Variants in NCAPG2 observed in about 807,000 individuals in gnomAD.
NCAPG2 encodes condensin-2 complex subunit G2.
NCAPG2 carries 53 observed loss-of-function variants against 141.1 expected under a neutral mutation model. The ratio of observed to expected loss-of-function variants is 0.38; its 90% CI spans 0.30 to 0.47. The LOEUF (loss-of-function observed/expected upper bound fraction) is 0.47. NCAPG2 is among the 20% of genes least tolerant of loss of function. NCAPG2 has a pLI of 0.99. For synonymous variants in NCAPG2, 499 were observed against 490.7 expected, an observed-to-expected ratio of 1.02 and a Z score of -0.22; for missense variants, 1,087 against 1,389.0, an observed-to-expected ratio of 0.78 and a Z score of 3.46.
At chr7:158,658,533 T>G (rs560450282) in intron 16 of NCAPG2, 125 bp from the exon 17 acceptor site, 2 of 802,024 alleles carry the variant, frequency 2.5e-6, no homozygotes, top group Non-Finnish European at 3.6e-6. Context: ...GGCAGTCCTT[T>G]CCACGTTCAA....
At chr7:158,637,502 C>T (rs528180564) in intron 27 of NCAPG2, among the ~76,000 whole-genome samples, 7 of 152,408 alleles carry the variant, frequency 4.6e-5, no homozygotes, top group South Asian at 2.1e-4. Context: ...GACAACTACC[C>T]CACAAGCCCC....
chr7:158,690,454 A>G (rs1835045672), intron 5 of NCAPG2, 114 bp downstream of exon 5: 3 of 988,932 alleles, frequency 3.0e-6, no homozygotes, highest in South Asian at 1.6e-5. Context: ...CTGAGGCAGG[A>G]GGATTGCTCG....
In NCAPG2 at chr7:158,671,551, T is replaced by C. The variant is rs756443243; in HGVS notation, c.1442A>G (p.Asp481Gly). 2.2e-5 allele frequency: 35 copies of C among 1,614,072 alleles called. No homozygotes were observed. Among genetic ancestry groups the C allele is most frequent in the Non-Finnish European group, 2.8e-5 (33 of 1,180,036 alleles). The change falls in exon 13 of 28, where the codon GAC (aspartate) becomes GGC (glycine). Residue 481 changes from aspartate (D) to glycine (G), a missense_variant. Asp to Gly is a moderately conservative substitution (Grantham distance 94, BLOSUM62 -1). Transcript: ENST00000356309. The part of the protein sequence containing the change: ...NSEKVRVAFV[D>G]MLLKIKAVRA... ...CACAGCTTTGATCTTCAACAGCATG[T>C]CCACAAAAGCTACCCTCACTTTCTC...
At chr7:158,652,509 T>G in intron 22 of NCAPG2, 29 bp from the exon 23 acceptor site, 1 of 1,495,700 alleles carries the variant, frequency 6.7e-7, no homozygotes, top group Non-Finnish European at 9.2e-7. Flanking sequence ...TATATCAGTT[T>G]TCTAATCACA....
intron 15 of NCAPG2, among the ~76,000 whole-genome samples, chr7:158,662,941 T>C (rs564708487): frequency 1.2e-4 from 19 of 152,346 alleles, no homozygotes; most frequent in East Asian, 7.7e-4. Flanking sequence ...TTAAAATAAA[T>C]AGACCTACTT....
At chr7:158,658,616 A>G (rs910567856) in intron 16 of NCAPG2, among the ~76,000 whole-genome samples, 2 of 152,250 alleles carry the variant, frequency 1.3e-5, no homozygotes, top group Non-Finnish European at 2.9e-5. Flanking sequence ...GAAGTTTTAT[A>G]TAACATTTTA....
In NCAPG2 at chr7:158,671,533, T is replaced by G. The variant is rs1401631233; in HGVS notation, c.1460A>C (p.Lys487Thr). The G allele has an allele frequency of 6.2e-7, 1 of 1,614,222 alleles. No homozygotes were observed. Among genetic ancestry groups the G allele is most frequent in the Non-Finnish European group, 8.5e-7 (1 of 1,180,034 alleles). Residue 487 changes from lysine to threonine, a missense_variant, in exon 13 of 28, where the codon AAA (lysine) becomes ACA (threonine). By Grantham distance (78) the Lys-to-Thr change is moderately conservative. Coordinates refer to ENST00000356309, the MANE Select transcript of NCAPG2 (RefSeq NM_017760.7). Reference protein sequence around the residue: ...VAFVDMLLKIKAVRAAKFWKI... With the variant: ...VAFVDMLLKITAVRAAKFWKI... ...TCCTACCTTAGCAGCCCTCACAGCT[T>G]TGATCTTCAACAGCATGTCCACAAA... is the stretch of plus-strand genomic sequence containing the variant.
chr7:158,654,352 T>C (rs532584608), intron 22 of NCAPG2, among the ~76,000 whole-genome samples: 8 of 152,296 alleles, frequency 5.3e-5, no homozygotes, highest in African/African-American at 1.9e-4. Flanking sequence ...GCAACAAAGC[T>C]GACCACAAGG....
At chr7:158,687,984 T>C (rs1257448526) in intron 6 of NCAPG2, among the ~76,000 whole-genome samples, 3 of 152,210 alleles carry the variant, frequency 2.0e-5, no homozygotes, top group East Asian at 3.8e-4. Context: ...TACTAGATTA[T>C]GTATCTGAAC....
chr7:158,701,568 CCTT>C (rs1297025414), intron 2 of NCAPG2, among the ~76,000 whole-genome samples: 1 of 152,228 alleles, frequency 6.6e-6, no homozygotes, highest in Non-Finnish European at 1.5e-5. Flanking sequence ...TTCAGAGTGA[CCTT>C]CTTTGTTAGA....
chr7:158,643,387 T>G lies in NCAPG2; in HGVS notation c.3380+902A>C, dbSNP rs1830775990. ...TGAGTCACCGTGCCCAGCCTAATTT[T>G]TGTATTTTTAGTAGAGATGGGGTTT... On this transcript the variant is annotated intron_variant, in intron 27 of 27. Coordinates refer to ENST00000356309, the MANE Select transcript of NCAPG2 (RefSeq NM_017760.7). 2.0e-5 allele frequency among the ~76,000 whole-genome samples: 3 copies of G among 152,302 alleles called. No individual in the cohort carries two copies. In the South Asian group the frequency reaches 6.2e-4, roughly 32 times the overall value.
At chr7:158,684,467 T>C (rs1394937290) in intron 8 of NCAPG2, among the ~76,000 whole-genome samples, 1 of 152,246 alleles carries the variant, frequency 6.6e-6, no homozygotes, top group African/African-American at 2.4e-5. Context: ...TTGAGATCAC[T>C]GGAAAAATTT....
chr7:158,676,294 T>C (rs1834045515), intron 11 of NCAPG2, among the ~76,000 whole-genome samples: 1 of 152,210 alleles, frequency 6.6e-6, no homozygotes, highest in East Asian at 1.9e-4. Context: ...GGAAACGTCA[T>C]AGAATAATTT....
chr7:158,693,591 TCATTA>T, intron 2 of NCAPG2, 94 bp from the exon 3 acceptor site: 1 of 1,101,012 alleles, frequency 9.1e-7, no homozygotes, highest in South Asian at 1.7e-5. Flanking sequence ...AGTGTTAACT[TCATTA>T]CAAGTTCAAG....
At chr7:158,652,261 T>C in intron 23 of NCAPG2, 32 bp downstream of exon 23, 1 of 1,596,962 alleles carries the variant, frequency 6.3e-7, no homozygotes, top group Non-Finnish European at 8.5e-7. Context: ...AAAGCCCATC[T>C]AGCGAACCCC....
At chr7:158,672,328 ATTTTTTTTTTTTT>A (rs869090702) in intron 12 of NCAPG2, among the ~76,000 whole-genome samples, 1 of 32,248 alleles carries the variant, frequency 3.1e-5, no homozygotes, top group Non-Finnish European at 5.5e-5. Flanking sequence ...ATATATATAT[ATTTTTTTTTTTTT>A]TTTTTTTTTT....
intron 27 of NCAPG2, among the ~76,000 whole-genome samples, chr7:158,643,949 T>C (rs1459471064): frequency 2.0e-5 from 3 of 152,248 alleles, no homozygotes; most frequent in African/African-American, 7.2e-5. Context: ...ATTTGTCCGC[T>C]AGGTGTCTAT....
rs1344153166 is a variant in NCAPG2 at position 158,653,638 on chromosome 7, T to G, written c.2746+957A>C. ...CCTCTGGAATCTGCCATGAAGATAT[T>G]TAAGGCTATGGGAAAGAGACTACAG... On this transcript the variant is annotated intron_variant, in intron 22 of 27. Transcript: ENST00000356309. Among the ~76,000 whole-genome samples, 6 of 152,154 alleles carry G rather than the reference T, an allele frequency of 3.9e-5. No individual in the cohort carries two copies. In the East Asian group the frequency reaches 1.2e-3, roughly 29 times the overall value.
chr7:158,651,204 C>T lies in NCAPG2; in HGVS notation c.2935-232G>A, dbSNP rs537646122. Among the ~76,000 whole-genome samples the T allele has an allele frequency of 3.3e-5, 5 of 152,122 alleles. No individual in the cohort carries two copies. In the South Asian group the frequency reaches 6.3e-4, roughly 19 times the overall value. On this transcript the variant is annotated intron_variant, in intron 23 of 27. Coordinates refer to ENST00000356309, the MANE Select transcript of NCAPG2 (RefSeq NM_017760.7). Reference sequence around the variant, plus strand: ...GGGACCAAAGCCCACTGGGAACTGCCCTGATGATATTCTTTCCCCAAAGCC... The same window carrying T: ...GGGACCAAAGCCCACTGGGAACTGCTCTGATGATATTCTTTCCCCAAAGCC...
Sources: allele counts gnomAD v4.1 joint callset (sites outside exome capture counted in the v4.1 genomes callset), GRCh38; gene constraint gnomAD v4.1.1; transcripts MANE v1.5; gene names NCBI Gene and HGNC (gene_info 2026-07-23, HGNC 2026-07-21).